Variants in PTPRM observed in about 807,000 individuals in gnomAD.
The protein encoded by PTPRM is protein tyrosine phosphatase receptor type M, also known as receptor-type tyrosine-protein phosphatase mu.
A neutral mutation model predicts 186.7 loss-of-function variants in PTPRM; 47 were observed. The observed-to-expected ratio is 0.25, with a 90% CI of 0.20 to 0.32. The LOEUF (loss-of-function observed/expected upper bound fraction) is 0.32, where lower values mean the gene tolerates loss of function less well. PTPRM is among the 10% of genes least tolerant of loss of function. PTPRM has a pLI of 1.00. For missense variants in PTPRM, 1,494 were observed against 1,865.0 expected (o/e 0.80, Z 3.66); for synonymous variants, 668 against 674.9 (o/e 0.99, Z 0.16).
intron 13 of PTPRM, 118 bp from the exon 14 acceptor site, chr18:8,143,529 G>C: frequency 9.5e-7 from 1 of 1,055,594 alleles, no homozygotes; most frequent in Non-Finnish European, 1.4e-6. Context: ...AAGCTTGTCT[G>C]TCTGCTGGCT....
At chr18:8,046,921 G>C (rs939376977) in intron 7 of PTPRM, among the ~76,000 whole-genome samples, 2 of 152,074 alleles carry the variant, frequency 1.3e-5, no homozygotes, top group Admixed American at 1.3e-4. Context: ...CGCAACATCT[G>C]CCCACCATGT....
intron 1 of PTPRM, among the ~76,000 whole-genome samples, chr18:7,618,202 G>A (rs1377097601): frequency 6.6e-6 from 1 of 152,106 alleles, no homozygotes; most frequent in African/African-American, 2.4e-5. Flanking sequence ...ACTTAATAGT[G>A]CACATTTCAA....
intron 2 of PTPRM, among the ~76,000 whole-genome samples, chr18:7,858,676 C>T (rs775179567): frequency 8.5e-5 from 13 of 152,270 alleles, no homozygotes; most frequent in East Asian, 1.9e-4. Context: ...GAATACTTAA[C>T]GCAGTGCGTG....
chr18:7,581,471 G>T (rs2036844332), intron 1 of PTPRM, among the ~76,000 whole-genome samples: 1 of 151,998 alleles, frequency 6.6e-6, no homozygotes, highest in Non-Finnish European at 1.5e-5. Context: ...GCTTGTTTCT[G>T]GGTCTTTTTG....
At chr18:7,630,188 A>G (rs2038158165) in intron 1 of PTPRM, among the ~76,000 whole-genome samples, 1 of 152,150 alleles carries the variant, frequency 6.6e-6, no homozygotes, top group Non-Finnish European at 1.5e-5. Flanking sequence ...AAAGGGGTGG[A>G]TGAAATTGTC....
intron 2 of PTPRM, among the ~76,000 whole-genome samples, chr18:7,803,548 A>C (rs964731123): frequency 6.6e-6 from 1 of 152,210 alleles, no homozygotes; most frequent in Non-Finnish European, 1.5e-5. Context: ...TAAGACACGG[A>C]CATCATTGGG....
intron 2 of PTPRM, among the ~76,000 whole-genome samples, chr18:7,844,492 A>G (rs1053029017): frequency 3.9e-5 from 6 of 152,142 alleles, no homozygotes; most frequent in African/African-American, 9.7e-5. Flanking sequence ...TCAACATGCA[A>G]TGGTAGGACG....
chr18:8,286,309 C>T (rs114872140), intron 19 of PTPRM, among the ~76,000 whole-genome samples: 149 of 152,290 alleles, frequency 9.8e-4, no homozygotes, highest in African/African-American at 3.4e-3. Context: ...CACCCAAGAC[C>T]TACTGTAAGA....
chr18:7,662,467 G>T (rs961217854), intron 1 of PTPRM, among the ~76,000 whole-genome samples: 1 of 152,098 alleles, frequency 6.6e-6, no homozygotes, highest in South Asian at 2.1e-4. Context: ...GGAACAAAAA[G>T]ACAAACTTAA....
intron 19 of PTPRM, among the ~76,000 whole-genome samples, chr18:8,294,385 G>A (rs1380135411): frequency 2.6e-5 from 4 of 152,286 alleles, no homozygotes; most frequent in South Asian, 4.1e-4. Flanking sequence ...AAGCAAACAC[G>A]TCCTTCTTCA....
At chr18:8,002,404 G>T (rs1221543093) in intron 7 of PTPRM, among the ~76,000 whole-genome samples, 2 of 152,166 alleles carry the variant, frequency 1.3e-5, no homozygotes, top group Non-Finnish European at 2.9e-5. Flanking sequence ...TTAGAAGTAA[G>T]CAAGACTTGA....
At chr18:8,015,761 T>G (rs1395154019) in intron 7 of PTPRM, among the ~76,000 whole-genome samples, 1 of 152,184 alleles carries the variant, frequency 6.6e-6, no homozygotes, top group East Asian at 1.9e-4. Context: ...AATTGATCAT[T>G]TATCATTTTT....
intron 14 of PTPRM, among the ~76,000 whole-genome samples, chr18:8,148,265 A>C (rs1049010152): frequency 6.6e-6 from 1 of 151,896 alleles, no homozygotes; most frequent in East Asian, 1.9e-4. Flanking sequence ...TCAGCTGTGA[A>C]TCCATCTGGT....
At chr18:7,610,928 AC>A (rs2037656642) in intron 1 of PTPRM, among the ~76,000 whole-genome samples, 2 of 152,284 alleles carry the variant, frequency 1.3e-5, no homozygotes, top group Admixed American at 6.5e-5. Flanking sequence ...CTGGGAGATG[AC>A]AGCTCCATGT....
intron 3 of PTPRM, among the ~76,000 whole-genome samples, chr18:7,904,930 A>G (rs896540694): frequency 2.6e-5 from 4 of 152,212 alleles, no homozygotes; most frequent in African/African-American, 9.7e-5. Flanking sequence ...ACTTTTAGTC[A>G]ATTAATCAGA....
intron 19 of PTPRM, among the ~76,000 whole-genome samples, chr18:8,293,061 C>T (rs1390268891): frequency 4.6e-5 from 7 of 152,104 alleles, no homozygotes; most frequent in African/African-American, 1.7e-4. Context: ...GTCCTCTCCT[C>T]CAGTGAGGAT....
chr18:7,940,947 G>T (rs758087123), intron 5 of PTPRM, among the ~76,000 whole-genome samples: 1 of 152,148 alleles, frequency 6.6e-6, no homozygotes, highest in Non-Finnish European at 1.5e-5. Context: ...AGAATATGCA[G>T]TGCAGATGCC....
At chr18:8,217,018 C>CTAAG (rs1466122769) in intron 14 of PTPRM, among the ~76,000 whole-genome samples, 10 of 152,172 alleles carry the variant, frequency 6.6e-5, no homozygotes, top group African/African-American at 2.4e-4. Context: ...ACTCTTAGTC[C>CTAAG]ATTTTGAAAC....
chr18:8,372,659 C>T (rs1215885036), intron 24 of PTPRM, among the ~76,000 whole-genome samples: 1 of 151,524 alleles, frequency 6.6e-6, no homozygotes, highest in African/African-American at 2.4e-5. Flanking sequence ...CTGGTTGACT[C>T]AGTTCTTCAA....
Sources: allele counts gnomAD v4.1 joint callset (sites outside exome capture counted in the v4.1 genomes callset), GRCh38; gene constraint gnomAD v4.1.1; transcripts MANE v1.5; gene names NCBI Gene and HGNC (gene_info 2026-07-23, HGNC 2026-07-21).